IL1RAPL1: variants seen among roughly 807,000 people sequenced by gnomAD.
The protein encoded by IL1RAPL1 is interleukin 1 receptor accessory protein like 1, also known as interleukin-1 receptor accessory protein-like 1.
IL1RAPL1 carries 3 observed loss-of-function variants against 48.4 expected under a neutral mutation model. That is an observed-to-expected ratio of 0.06 (90% CI 0.03 to 0.16). The LOEUF is 0.16. Ranked by LOEUF, IL1RAPL1 falls within the 10% of genes least tolerant of loss-of-function variation. The pLI is 1.00. For synonymous variants in IL1RAPL1, 185 were observed against 187.7 expected (o/e 0.99, Z 0.12); for missense variants, 349 against 530.6 (o/e 0.66, Z 3.36).
At chrX:29,389,448 A>C (rs1216719899) in intron 3 of IL1RAPL1, among the ~76,000 whole-genome samples, 2 of 110,420 alleles carry the variant, frequency 1.8e-5, no homozygotes, top group Non-Finnish European at 3.8e-5. Flanking sequence ...TGTAATCTTG[A>C]ACCCATGTCC....
chrX:29,642,909 A>G (rs1925209554), intron 5 of IL1RAPL1, among the ~76,000 whole-genome samples: 1 of 112,291 alleles, frequency 8.9e-6, no homozygotes, highest in Non-Finnish European at 1.9e-5. Flanking sequence ...TGGAATTTAA[A>G]CTCTAAACTA....
intron 2 of IL1RAPL1, among the ~76,000 whole-genome samples, chrX:28,799,865 G>A (rs1246048435): frequency 3.6e-5 from 4 of 111,340 alleles, no homozygotes; most frequent in African/African-American, 9.8e-5. Flanking sequence ...CAATTTTTGC[G>A]GGGAGAGTGG....
intron 1 of IL1RAPL1, among the ~76,000 whole-genome samples, chrX:28,695,009 C>A (rs6630731): frequency 0.061 from 6,778 of 110,624 alleles, 418 homozygotes; most frequent in East Asian, 0.32. Context: ...CTTCTCACTT[C>A]CTGCCTGTTC....
chrX:29,138,203 C>T (rs980402731), intron 2 of IL1RAPL1, among the ~76,000 whole-genome samples: 4 of 111,837 alleles, frequency 3.6e-5, no homozygotes, highest in Non-Finnish European at 7.5e-5. Context: ...CCATTTCTTC[C>T]AACGCTGATT....
At chrX:28,701,514 A>G (rs1302393245) in intron 1 of IL1RAPL1, among the ~76,000 whole-genome samples, 1 of 112,360 alleles carries the variant, frequency 8.9e-6, no homozygotes, top group Non-Finnish European at 1.9e-5. Context: ...TGCAAACTCC[A>G]TAAAGCAACA....
chrX:29,696,663 T>G (rs750467220), intron 6 of IL1RAPL1, among the ~76,000 whole-genome samples: 10 of 111,991 alleles, frequency 8.9e-5, no homozygotes, highest in Non-Finnish European at 1.5e-4. Flanking sequence ...TTACCGCAGT[T>G]GGTCAACATG....
intron 6 of IL1RAPL1, among the ~76,000 whole-genome samples, chrX:29,885,755 G>A (rs772599203): frequency 1.8e-4 from 20 of 111,690 alleles, no homozygotes; most frequent in Non-Finnish European, 7.5e-5. Flanking sequence ...GGTGTTCGAG[G>A]ATGCAGGGAA....
intron 2 of IL1RAPL1, among the ~76,000 whole-genome samples, chrX:29,197,292 G>C (rs1602106883): frequency 9.0e-6 from 1 of 111,524 alleles, no homozygotes; most frequent in South Asian, 3.8e-4. Flanking sequence ...ACCAAGGCTT[G>C]ATTTAGAAAA....
intron 1 of IL1RAPL1, among the ~76,000 whole-genome samples, chrX:28,692,708 T>C (rs774943584): frequency 8.9e-6 from 1 of 112,082 alleles, no homozygotes; most frequent in East Asian, 2.8e-4. Flanking sequence ...CAATGAAACA[T>C]AAATAATGGA....
At chrX:29,703,996 T>C (rs767884781) in intron 6 of IL1RAPL1, among the ~76,000 whole-genome samples, 2 of 111,782 alleles carry the variant, frequency 1.8e-5, no homozygotes, top group Non-Finnish European at 3.8e-5. Context: ...AATCATAGCT[T>C]ACTGCGACTT....
At chrX:29,211,630 G>A (rs1209904842) in intron 2 of IL1RAPL1, among the ~76,000 whole-genome samples, 1 of 111,015 alleles carries the variant, frequency 9.0e-6, no homozygotes, top group East Asian at 2.8e-4. Context: ...CCAAGGTAGT[G>A]GAAAAAACAT....
intron 8 of IL1RAPL1, among the ~76,000 whole-genome samples, chrX:29,935,346 T>A (rs1933015505): frequency 9.0e-6 from 1 of 111,595 alleles, no homozygotes; most frequent in African/African-American, 3.3e-5. Context: ...TTTGCCTGAA[T>A]CAATTATTAT....
chrX:29,291,410 A>ATT (rs760876909), intron 3 of IL1RAPL1, among the ~76,000 whole-genome samples: 2 of 110,413 alleles, frequency 1.8e-5, no homozygotes, highest in African/African-American at 6.6e-5. Flanking sequence ...TTTATTTTTT[A>ATT]TTTTTTTTAT....
At chrX:29,112,779 G>T (rs904507634) in intron 2 of IL1RAPL1, among the ~76,000 whole-genome samples, 1 of 104,219 alleles carries the variant, frequency 9.6e-6, no homozygotes, top group East Asian at 3.0e-4. Context: ...GGTAGAGAAG[G>T]CATGTCAACT....
At chrX:29,130,999 T>G (rs142757055) in intron 2 of IL1RAPL1, among the ~76,000 whole-genome samples, 1,403 of 111,917 alleles carry the variant, frequency 0.013, 16 homozygotes, top group Non-Finnish European at 0.02. Flanking sequence ...CTGTGATAAT[T>G]AAGAGCAGTG....
At chrX:29,769,430 T>TTTTTTTTTTTTG (rs1928996401) in intron 6 of IL1RAPL1, among the ~76,000 whole-genome samples, 1 of 45,252 alleles carries the variant, frequency 2.2e-5, no homozygotes, top group African/African-American at 9.8e-5. Flanking sequence ...CCAAACAGTT[T>TTTTTTTTTTTTG]TTTTTTTTTT....
intron 6 of IL1RAPL1, among the ~76,000 whole-genome samples, chrX:29,857,780 T>A (rs57705788): frequency 9.0e-6 from 1 of 111,229 alleles, no homozygotes; most frequent in Non-Finnish European, 1.9e-5. Context: ...ACCTAAATGG[T>A]TTTACACTAG....
At chrX:29,194,555 A>G (rs1353821425) in intron 2 of IL1RAPL1, among the ~76,000 whole-genome samples, 5 of 112,500 alleles carry the variant, frequency 4.4e-5, no homozygotes, top group African/African-American at 1.6e-4. Flanking sequence ...CCTTTTCCTC[A>G]AAGACTTTTC....
intron 1 of IL1RAPL1, among the ~76,000 whole-genome samples, chrX:28,760,671 A>G (rs1179589257): frequency 8.9e-6 from 1 of 112,297 alleles, no homozygotes; most frequent in Non-Finnish European, 1.9e-5. Context: ...TCTATTCAAG[A>G]CAAAGAAGTA....
Sources: gnomAD v4.1 joint callset for allele counts (sites outside exome capture counted in the v4.1 genomes callset) on GRCh38, gnomAD v4.1.1 for gene constraint, MANE v1.5 for transcripts, NCBI Gene and HGNC (gene_info 2026-07-23, HGNC 2026-07-21) for gene names.